Variants in EDC3 observed in about 807,000 individuals in gnomAD.
EDC3 encodes the protein enhancer of mRNA decapping 3.
Under a neutral mutation model 41.8 loss-of-function variants are expected in EDC3, and 20 were observed. That is an observed-to-expected ratio of 0.48 (90% CI 0.34 to 0.70). The LOEUF (loss-of-function observed/expected upper bound fraction) is 0.70, where lower values mean the gene tolerates loss of function less well. EDC3 is among the 30% of genes least tolerant of loss of function. EDC3 has a pLI of 0.01. For missense variants in EDC3, 444 were observed against 636.8 expected, an observed-to-expected ratio of 0.70 and a Z score of 3.26; for synonymous variants, 206 against 243.2, an observed-to-expected ratio of 0.85 and a Z score of 1.42.
At chr15:74,685,476 T>A (rs1056907005) in intron 1 of EDC3, among the ~76,000 whole-genome samples, 4 of 152,174 alleles carry the variant, frequency 2.6e-5, no homozygotes, top group Non-Finnish European at 5.9e-5. Context: ...AATGACATAG[T>A]CTTGTTCAGT....
At chr15:74,644,947 C>G (rs2062396055) in intron 4 of EDC3, 1 of 152,098 alleles carries the variant, frequency 6.6e-6, no homozygotes, top group African/African-American at 2.4e-5. Context: ...GACGTACTCC[C>G]TGATGTGACG....
At chr15:74,649,866 G>C (rs1317448077) in intron 4 of EDC3, among the ~76,000 whole-genome samples, 1 of 150,950 alleles carries the variant, frequency 6.6e-6, no homozygotes, top group East Asian at 2.0e-4. Flanking sequence ...AAAAAGGGGG[G>C]GGGGGTCACA....
Position 74,633,850 on chromosome 15 carries a change from G to C in EDC3, c.1193-904C>G, listed in dbSNP as rs148184991. On this transcript the variant is annotated intron_variant, in intron 6 of 6. Transcript: ENST00000315127. ...CAGCCTAGAGTATTAGCATTTCTCA[G>C]CTAGAGACTCACAACTTCCTTGCTT... is the stretch of plus-strand genomic sequence containing the variant. 3.9e-5 allele frequency among the ~76,000 whole-genome samples: 6 copies of C among 152,262 alleles called. No homozygotes were observed. In the East Asian group the frequency reaches 1.2e-3, roughly 29 times the overall value.
chr15:74,657,106 C>A (rs1218479548), intron 3 of EDC3, among the ~76,000 whole-genome samples: 1 of 152,248 alleles, frequency 6.6e-6, no homozygotes. Context: ...AGTGCAGATA[C>A]AAAAGACTGT....
chr15:74,694,020 C>T (rs978283870), intron 1 of EDC3, among the ~76,000 whole-genome samples: 17 of 151,896 alleles, frequency 1.1e-4, no homozygotes, highest in Non-Finnish European at 2.2e-4. Context: ...AAATGCCTTG[C>T]TAAAATTCTG....
At chr15:74,649,259 C>T (rs764214857) in intron 4 of EDC3, among the ~76,000 whole-genome samples, 9 of 151,444 alleles carry the variant, frequency 5.9e-5, no homozygotes, top group Non-Finnish European at 1.3e-4. Context: ...TTAGTAGAGA[C>T]GGGGTTTCAC....
chr15:74,683,182 G>A (rs1329002873), intron 1 of EDC3, among the ~76,000 whole-genome samples: 5 of 152,138 alleles, frequency 3.3e-5, no homozygotes, highest in Admixed American at 6.5e-5. Context: ...CCAACCCCAA[G>A]AGGTTGTGTT....
At chr15:74,651,951 C>T (rs761882297) in intron 4 of EDC3, among the ~76,000 whole-genome samples, 1 of 152,228 alleles carries the variant, frequency 6.6e-6, no homozygotes, top group Non-Finnish European at 1.5e-5. Flanking sequence ...TGGGCAAAAT[C>T]ATCTGGCAAA....
chr15:74,635,565 T>G lies in EDC3; in HGVS notation c.1036A>C (p.Lys346Gln). ...CCACAGCTGATACCCTGAGCCCCCT[T>G]CACATGAGGTCCACACAGTAGAGCC... is the stretch of plus-strand genomic sequence containing the variant. ...TVALLCGPHV[K>Q]GAQGISCGRH... is the part of the protein sequence containing the mutation. Residue 346 changes from lysine to glutamine, a missense_variant, in exon 6 of 7, where the codon AAG becomes CAG. Transcript: ENST00000315127. 6.2e-7 allele frequency: 1 copy of G among 1,614,224 alleles called. No homozygotes were observed. The highest frequency in any genetic ancestry group is 8.5e-7 in the Non-Finnish European group (1 of 1,180,042).
At chr15:74,642,697 C>G (rs1438922838) in intron 4 of EDC3, 1 of 152,232 alleles carries the variant, frequency 6.6e-6, no homozygotes, top group Non-Finnish European at 1.5e-5. Flanking sequence ...TGCTACTCCA[C>G]AAATCAAGCA....
intron 6 of EDC3, 26 bp downstream of exon 6, chr15:74,635,383 C>T (rs2062259610): frequency 6.2e-7 from 1 of 1,610,346 alleles, no homozygotes; most frequent in Non-Finnish European, 8.5e-7. Context: ...AGGAGGCCTT[C>T]AGCCCAGCCC....
At chr15:74,682,917 G>A (rs1483881380) in intron 1 of EDC3, among the ~76,000 whole-genome samples, 2 of 152,150 alleles carry the variant, frequency 1.3e-5, no homozygotes, top group Non-Finnish European at 2.9e-5. Flanking sequence ...AGCTACTCGG[G>A]AGGCTGAGGC....
intron 3 of EDC3, 26 bp from the exon 4 acceptor site, chr15:74,656,094 C>T: frequency 6.3e-7 from 1 of 1,587,704 alleles, no homozygotes. Context: ...GGACTAAAGT[C>T]AGTGTATCCA....
At chr15:74,674,261 C>A (rs752933592) in intron 2 of EDC3, among the ~76,000 whole-genome samples, 5 of 152,170 alleles carry the variant, frequency 3.3e-5, no homozygotes, top group Non-Finnish European at 5.9e-5. Flanking sequence ...CATGCCACCA[C>A]ACCCAGCTAA....
intron 3 of EDC3, among the ~76,000 whole-genome samples, chr15:74,668,063 G>A (rs2062697074): frequency 6.6e-6 from 1 of 152,184 alleles, no homozygotes; most frequent in African/African-American, 2.4e-5. Context: ...CTTTACCTCT[G>A]TTGTCTTCCA....
At chr15:74,678,877 G>A (rs1374545655) in intron 1 of EDC3, among the ~76,000 whole-genome samples, 5 of 137,674 alleles carry the variant, frequency 3.6e-5, no homozygotes, top group African/African-American at 8.5e-5. Flanking sequence ...GCGACAGAGC[G>A]AGACTCCGTC....
intron 1 of EDC3, among the ~76,000 whole-genome samples, chr15:74,681,140 G>T (rs975319387): frequency 3.3e-5 from 5 of 152,138 alleles, no homozygotes; most frequent in African/African-American, 1.2e-4. Flanking sequence ...GAAAGGCAAA[G>T]AAACTAAAAT....
At chr15:74,652,730 C>T (rs2062496596) in intron 4 of EDC3, among the ~76,000 whole-genome samples, 2 of 152,096 alleles carry the variant, frequency 1.3e-5, no homozygotes, top group African/African-American at 4.8e-5. Context: ...AGGCACATGC[C>T]ACCGTGCCCA....
chr15:74,689,770 C>T (rs1187974406), intron 1 of EDC3, among the ~76,000 whole-genome samples: 1 of 152,180 alleles, frequency 6.6e-6, no homozygotes, highest in African/African-American at 2.4e-5. Flanking sequence ...ATGATCCGCC[C>T]GCCTCGGCCT....
Sources: allele counts gnomAD v4.1 joint callset (sites outside exome capture counted in the v4.1 genomes callset), GRCh38; gene constraint gnomAD v4.1.1; transcripts MANE v1.5; gene names NCBI Gene and HGNC (gene_info 2026-07-23, HGNC 2026-07-21).